The following KAZN variants were observed in gnomAD, a reference collection of about 807,000 sequenced individuals.
The protein encoded by KAZN is kazrin, periplakin interacting protein.
KAZN carries 40 observed loss-of-function variants against 87.4 expected under a neutral mutation model. The observed-to-expected ratio is 0.46, with a 90% CI of 0.36 to 0.60. KAZN has a LOEUF of 0.60. Among genes scored for constraint, KAZN ranks in the 20% least tolerant of loss-of-function variants. The probability of loss-of-function intolerance (pLI) is 0.00; values close to 1 mark genes in which losing one functional copy is unlikely to be tolerated. For synonymous variants in KAZN, 466 were observed against 458.3 expected, an observed-to-expected ratio of 1.02 and a Z score of -0.22; for missense variants, 898 against 1,073.9, an observed-to-expected ratio of 0.84 and a Z score of 2.29.
At chr1:14,507,272 G>A (rs1479183436) in intron 2 of KAZN, among the ~76,000 whole-genome samples, 1 of 152,128 alleles carries the variant, frequency 6.6e-6, no homozygotes, top group Non-Finnish European at 1.5e-5. Flanking sequence ...GAGCCACTCT[G>A]ACTTTGAGGC....
chr1:14,895,601 C>G (rs1655178917), intron 1 of KAZN, among the ~76,000 whole-genome samples: 1 of 152,218 alleles, frequency 6.6e-6, no homozygotes, highest in Admixed American at 6.5e-5. Flanking sequence ...GCAAGGAACT[C>G]ATCTTCCGGG....
intron 2 of KAZN, among the ~76,000 whole-genome samples, chr1:14,335,543 A>G (rs1294771177): frequency 6.6e-6 from 1 of 151,858 alleles, no homozygotes; most frequent in Non-Finnish European, 1.5e-5. Context: ...CTCTCTGGCT[A>G]TGTGACGCAC....
At chr1:14,223,059 G>C (rs1183087412) in intron 2 of KAZN, 1 of 152,108 alleles carries the variant, frequency 6.6e-6, no homozygotes, top group African/African-American at 2.4e-5. Flanking sequence ...CTTACCCAAG[G>C]AGAGGCAGAC....
chr1:13,964,265 G>A (rs564325692), intron 1 of KAZN, among the ~76,000 whole-genome samples: 6 of 152,268 alleles, frequency 3.9e-5, no homozygotes, highest in South Asian at 4.1e-4. Flanking sequence ...GTTTAACAAC[G>A]AGTAAGTGTA....
intron 1 of KAZN, among the ~76,000 whole-genome samples, chr1:14,714,767 ATTTTTCT>A (rs1192253922): frequency 3.2e-5 from 4 of 125,242 alleles, no homozygotes; most frequent in African/African-American, 9.1e-5. Context: ...AAAAGACAGT[ATTTTTCT>A]TTTTTCTTTT....
At chr1:15,045,308 C>G (rs1306040844) in intron 4 of KAZN, among the ~76,000 whole-genome samples, 3 of 152,184 alleles carry the variant, frequency 2.0e-5, no homozygotes, top group Non-Finnish European at 4.4e-5. Context: ...GCCATGTGAT[C>G]TGGGTTCGAA....
At chr1:14,617,848 T>C (rs1381649007) in intron 1 of KAZN, among the ~76,000 whole-genome samples, 1 of 152,228 alleles carries the variant, frequency 6.6e-6, no homozygotes, top group African/African-American at 2.4e-5. Context: ...CTTAATGTCC[T>C]CATTTATTTT....
At chr1:14,448,223 C>T (rs1351487274) in intron 2 of KAZN, among the ~76,000 whole-genome samples, 1 of 152,234 alleles carries the variant, frequency 6.6e-6, no homozygotes, top group African/African-American at 2.4e-5. Flanking sequence ...GACTAGGTCA[C>T]TAGCTCAAGA....
At chr1:14,582,975 C>T (rs1049966874) in intron 2 of KAZN, among the ~76,000 whole-genome samples, 1 of 152,180 alleles carries the variant, frequency 6.6e-6, no homozygotes, top group Admixed American at 6.5e-5. Flanking sequence ...AGCCCCATCA[C>T]ATAATATACT....
intron 1 of KAZN, among the ~76,000 whole-genome samples, chr1:14,602,173 A>G (rs1435151226): frequency 2.0e-5 from 3 of 152,210 alleles, no homozygotes; most frequent in African/African-American, 4.8e-5. Context: ...TAAACAAAAT[A>G]TTAACTTGGT....
At chr1:14,344,500 TG>T (rs1657969923) in intron 2 of KAZN, among the ~76,000 whole-genome samples, 1 of 152,154 alleles carries the variant, frequency 6.6e-6, no homozygotes, top group African/African-American at 2.4e-5. Flanking sequence ...GTTTAGGTGT[TG>T]GGGACATAGC....
At chr1:13,929,132 G>A (rs541511113) in intron 1 of KAZN, among the ~76,000 whole-genome samples, 7 of 144,456 alleles carry the variant, frequency 4.8e-5, no homozygotes, top group African/African-American at 1.8e-4. Flanking sequence ...ATAGCTCACT[G>A]CAGCCTCGAA....
intron 1 of KAZN, among the ~76,000 whole-genome samples, chr1:14,730,043 C>T (rs947109896): frequency 6.6e-6 from 1 of 152,158 alleles, no homozygotes; most frequent in African/African-American, 2.4e-5. Context: ...TTTTTATCAT[C>T]CAGCCCTTTA....
chr1:14,358,465 G>A (rs1355655378), intron 2 of KAZN, among the ~76,000 whole-genome samples: 3 of 151,730 alleles, frequency 2.0e-5, no homozygotes, highest in Admixed American at 1.3e-4. Context: ...TATTTTGCTA[G>A]CTTTTGAATT....
intron 2 of KAZN, among the ~76,000 whole-genome samples, chr1:14,188,600 G>C (rs1471118299): frequency 6.6e-6 from 1 of 152,054 alleles, no homozygotes; most frequent in East Asian, 1.9e-4. Context: ...GGAAAGTGTA[G>C]AGCTGTTCTG....
At chr1:14,580,813 G>GATGTCATCA (rs1287935364) in intron 2 of KAZN, among the ~76,000 whole-genome samples, 3 of 152,052 alleles carry the variant, frequency 2.0e-5, no homozygotes, top group African/African-American at 2.4e-5. Flanking sequence ...TCGATCATTC[G>GATGTCATCA]ATGTCATCAA....
intron 2 of KAZN, among the ~76,000 whole-genome samples, chr1:14,471,729 TG>T (rs1668465004): frequency 1.3e-5 from 2 of 152,338 alleles, no homozygotes; most frequent in African/African-American, 4.8e-5. Context: ...GTCTGTATCT[TG>T]GGGTTAACCC....
chr1:14,642,308 G>A (rs926601539), intron 1 of KAZN, among the ~76,000 whole-genome samples: 1 of 152,220 alleles, frequency 6.6e-6, no homozygotes, highest in African/African-American at 2.4e-5. Flanking sequence ...GCTGAGGCAG[G>A]AGAATTGCTT....
chr1:14,773,251 C>T lies in KAZN; in HGVS notation c.226+174028C>T, dbSNP rs758482823. Among the ~76,000 whole-genome samples, 37 of 152,214 alleles carry T rather than the reference C, an allele frequency of 2.4e-4. No homozygotes were observed. The highest frequency in any genetic ancestry group is 8.3e-4 in the South Asian group (4 of 4,824). The stretch of plus-strand genomic sequence containing the variant: ...CGGAAGAGATCTGATACTGAGATCC[C>T]GCTAGTCATGGGGTGAGCTACAGTG... On this transcript the variant is annotated intron_variant, in intron 1 of 14. Coordinates refer to ENST00000376030, the MANE Select transcript of KAZN (RefSeq NM_201628.3). The surrounding 1 kb of genome is among the most constrained non-coding windows in gnomAD (Gnocchi z 5.9).
Sources: gnomAD v4.1 joint callset for allele counts (sites outside exome capture counted in the v4.1 genomes callset) on GRCh38, gnomAD v4.1.1 for gene constraint, Gnocchi (gnomAD v3.1) non-coding constraint, MANE v1.5 for transcripts, NCBI Gene and HGNC (gene_info 2026-07-23, HGNC 2026-07-21) for gene names.